Variants in CACNA2D1 observed in about 807,000 individuals in gnomAD.
CACNA2D1 encodes calcium voltage-gated channel auxiliary subunit alpha2delta 1.
In CACNA2D1, 53 loss-of-function variants were observed where a neutral mutation model predicts 171.5. The observed-to-expected ratio is 0.31, with a 90% CI of 0.25 to 0.39. The LOEUF (loss-of-function observed/expected upper bound fraction) is 0.39. Ranked by LOEUF, CACNA2D1 falls within the 10% of genes least tolerant of loss-of-function variation. The pLI is 1.00. For missense variants in CACNA2D1, 903 were observed against 1,299.8 expected, an observed-to-expected ratio of 0.69 and a Z score of 4.69; for synonymous variants, 442 against 443.1, an observed-to-expected ratio of 1.00 and a Z score of 0.03.
At chr7:81,996,137 C>T (rs1478666831) in intron 19 of CACNA2D1, among the ~76,000 whole-genome samples, 1 of 152,010 alleles carries the variant, frequency 6.6e-6, no homozygotes, top group African/African-American at 2.4e-5. Flanking sequence ...TTGCTAAGTC[C>T]TTTCTATATA....
chr7:82,095,264 A>AT (rs1420090934), intron 6 of CACNA2D1, among the ~76,000 whole-genome samples: 2 of 151,532 alleles, frequency 1.3e-5, no homozygotes, highest in African/African-American at 2.4e-5. Context: ...GTGTTCCTCG[A>AT]TTTTCCCCAC....
At chr7:82,332,561 A>AAC (rs1817489146) in intron 3 of CACNA2D1, among the ~76,000 whole-genome samples, 4 of 140,450 alleles carry the variant, frequency 2.8e-5, no homozygotes, top group Admixed American at 1.4e-4. Flanking sequence ...AAAGAAAGAA[A>AAC]GAAAGAACGA....
At chr7:82,135,674 A>AT (rs1563098787) in intron 5 of CACNA2D1, among the ~76,000 whole-genome samples, 1 of 152,158 alleles carries the variant, frequency 6.6e-6, no homozygotes, top group South Asian at 2.1e-4. Context: ...GTGTTTTCTC[A>AT]TTTTTTAAGA....
intron 6 of CACNA2D1, among the ~76,000 whole-genome samples, chr7:82,097,575 G>A (rs1812040522): frequency 1.3e-5 from 2 of 152,124 alleles, no homozygotes; most frequent in Non-Finnish European, 2.9e-5. Context: ...AACATTGGAA[G>A]AGAGGTACAC....
At chr7:82,157,467 G>A (rs1048448447) in intron 4 of CACNA2D1, among the ~76,000 whole-genome samples, 5 of 152,008 alleles carry the variant, frequency 3.3e-5, no homozygotes, top group Non-Finnish European at 1.5e-5. Flanking sequence ...TTGTGAGACA[G>A]AAGAAACTTC....
In CACNA2D1 at chr7:82,002,880, CA is replaced by C. The variant is rs940539693; in HGVS notation, c.1590+2542del. 4.0e-3 allele frequency among the ~76,000 whole-genome samples: 543 copies of C among 136,470 alleles called. 1 individual carries two copies. Among genetic ancestry groups the C allele is most frequent in the Non-Finnish European group, 6.7e-3 (421 of 62,704 alleles). The allele number at this position is 136,470 out of a possible 152,430, so 89.5% of individuals were successfully genotyped here. ...GCTTTTAAAGAACACTCATCTTCTA[CA>C]AAAAAAAAAAGAGGAATACTTGCAT... On this transcript the variant is annotated intron_variant, in intron 18 of 38. Coordinates refer to ENST00000356860, the MANE Select transcript of CACNA2D1 (RefSeq NM_000722.4).
At chr7:82,419,217 CCT>C (rs1224803239) in intron 1 of CACNA2D1, among the ~76,000 whole-genome samples, 1 of 151,986 alleles carries the variant, frequency 6.6e-6, no homozygotes, top group Admixed American at 6.6e-5. Context: ...TGTAATTGTA[CCT>C]CTCTGAAAAA....
At chr7:82,177,288 G>C (rs995442576) in intron 3 of CACNA2D1, among the ~76,000 whole-genome samples, 1 of 151,952 alleles carries the variant, frequency 6.6e-6, no homozygotes, top group African/African-American at 2.4e-5. Context: ...CCTACACAGA[G>C]CAATCACCAT....
At chr7:82,180,414 G>A (rs997129405) in intron 3 of CACNA2D1, among the ~76,000 whole-genome samples, 2 of 152,120 alleles carry the variant, frequency 1.3e-5, no homozygotes, top group African/African-American at 4.8e-5. Context: ...GCTACCTACT[G>A]TGCCATGAGG....
At chr7:82,291,404 G>C in intron 3 of CACNA2D1, among the ~76,000 whole-genome samples, 1 of 123,726 alleles carries the variant, frequency 8.1e-6, no homozygotes, top group African/African-American at 3.1e-5. Context: ...ATCTACACTA[G>C]ATATATAATA....
chr7:82,168,333 A>G (rs1795679220), intron 4 of CACNA2D1, among the ~76,000 whole-genome samples: 1 of 152,004 alleles, frequency 6.6e-6, no homozygotes, highest in South Asian at 2.1e-4. Context: ...TAGTGGAGAT[A>G]GGGTTTCTCC....
chr7:82,064,398 C>T (rs1227553021), intron 8 of CACNA2D1, 44 bp from the exon 9 acceptor site: 1 of 1,401,180 alleles, frequency 7.1e-7, no homozygotes, highest in Non-Finnish European at 1.0e-6. Flanking sequence ...TCCAAAATAT[C>T]AAACACTGAT....
intron 5 of CACNA2D1, among the ~76,000 whole-genome samples, chr7:82,124,001 C>G (rs1344203958): frequency 6.6e-6 from 1 of 151,888 alleles, no homozygotes; most frequent in Non-Finnish European, 1.5e-5. Context: ...CGTATCACAT[C>G]AAAAATATTT....
chr7:82,113,390 T>A (rs1788671544), intron 6 of CACNA2D1, among the ~76,000 whole-genome samples: 1 of 152,158 alleles, frequency 6.6e-6, no homozygotes, highest in African/African-American at 2.4e-5. Flanking sequence ...TCTAAGCAGA[T>A]AAATTAGATC....
intron 28 of CACNA2D1, among the ~76,000 whole-genome samples, chr7:81,969,561 T>C (rs985817687): frequency 6.6e-6 from 1 of 151,338 alleles, no homozygotes; most frequent in Non-Finnish European, 1.5e-5. Flanking sequence ...AATTACTCTA[T>C]TTAATTCCTT....
In CACNA2D1 at chr7:82,000,314, C is replaced by T. The variant is rs375241315; in HGVS notation, c.1591-3064G>A. Among the ~76,000 whole-genome samples the T allele has an allele frequency of 3.3e-5, 5 of 152,092 alleles. No homozygotes were observed. In the East Asian group the frequency reaches 7.7e-4, roughly 24 times the overall value. ...CAAAAACTATGTAGAGGCCTGGTCC[C>T]ATCACTGCCAAATTAAATCAGAATT... On this transcript the variant is annotated intron_variant, in intron 18 of 38. Transcript: ENST00000356860.
chr7:82,237,449 C>T (rs186899253), intron 3 of CACNA2D1, among the ~76,000 whole-genome samples: 278 of 151,936 alleles, frequency 1.8e-3, no homozygotes, highest in African/African-American at 6.5e-3. Context: ...TTTTTTCCTA[C>T]CTCCAATCTT....
intron 1 of CACNA2D1, among the ~76,000 whole-genome samples, chr7:82,432,030 T>A (rs1466388612): frequency 2.4e-5 from 2 of 82,936 alleles, no homozygotes; most frequent in African/African-American, 8.0e-5. Context: ...AGAACAAGAC[T>A]CTGTCTTAAA....
At chr7:82,373,386 C>A (rs75240211) in intron 1 of CACNA2D1, among the ~76,000 whole-genome samples, 1 of 152,202 alleles carries the variant, frequency 6.6e-6, no homozygotes, top group Non-Finnish European at 1.5e-5. Flanking sequence ...AAACACTCCA[C>A]ACACTTATAG....
Sources: allele counts gnomAD v4.1 joint callset (sites outside exome capture counted in the v4.1 genomes callset), GRCh38; gene constraint gnomAD v4.1.1; transcripts MANE v1.5; gene names NCBI Gene and HGNC (gene_info 2026-07-23, HGNC 2026-07-21).